Variants in PRDM5 observed in about 807,000 individuals in gnomAD.
The protein encoded by PRDM5 is PR domain zinc finger protein 5.
A neutral mutation model predicts 81.2 loss-of-function variants in PRDM5; 56 were observed. The observed-to-expected ratio is 0.69, with a 90% CI of 0.56 to 0.86. PRDM5 has a LOEUF of 0.86. Among genes scored for constraint, PRDM5 ranks in the 40% least tolerant of loss-of-function variants. The pLI is 0.00. For missense variants in PRDM5, 697 were observed against 770.1 expected, an observed-to-expected ratio of 0.91 and a Z score of 1.12; for synonymous variants, 267 against 256.4, an observed-to-expected ratio of 1.04 and a Z score of -0.39.
chr4:120,724,083 C>T (rs1164746607), intron 14 of PRDM5, among the ~76,000 whole-genome samples: 2 of 151,768 alleles, frequency 1.3e-5, no homozygotes, highest in Non-Finnish European at 2.9e-5. Context: ...AGGTCTTTTC[C>T]TATATTTGAA....
chr4:120,857,630 T>C (rs964004751), intron 2 of PRDM5, among the ~76,000 whole-genome samples: 10 of 152,164 alleles, frequency 6.6e-5, no homozygotes, highest in Admixed American at 6.5e-5. Context: ...GAATATGTCA[T>C]AGTTGATTTT....
chr4:120,821,092 CTA>C, intron 4 of PRDM5, 77 bp downstream of exon 4: 1 of 1,486,542 alleles, frequency 6.7e-7, no homozygotes, highest in Admixed American at 1.7e-5. Flanking sequence ...TACAAGGCAA[CTA>C]TAATTCAACC....
chr4:120,921,195 A>C (rs971426016), intron 1 of PRDM5, among the ~76,000 whole-genome samples: 3 of 152,224 alleles, frequency 2.0e-5, no homozygotes, highest in African/African-American at 7.2e-5. Flanking sequence ...CACATCTTTT[A>C]AGAATGAATT....
intron 2 of PRDM5, among the ~76,000 whole-genome samples, chr4:120,876,502 T>A (rs1762344342): frequency 6.6e-6 from 1 of 152,230 alleles, no homozygotes; most frequent in Admixed American, 6.5e-5. Flanking sequence ...TTTTATTGTT[T>A]GATTTGGCAT....
chr4:120,785,112 G>A (rs1231416638), intron 10 of PRDM5, 21 bp from the exon 11 acceptor site: 9 of 1,540,382 alleles, frequency 5.8e-6, no homozygotes, highest in South Asian at 1.1e-5. Flanking sequence ...AAAACACTGA[G>A]TCAGGAGGAT....
At chr4:120,717,642 C>T (rs1239141151) in intron 14 of PRDM5, among the ~76,000 whole-genome samples, 1 of 152,128 alleles carries the variant, frequency 6.6e-6, no homozygotes, top group African/African-American at 2.4e-5. Flanking sequence ...TTTAGTTGAG[C>T]TAAGAATTCC....
chr4:120,773,992 G>A (rs1400869637), intron 13 of PRDM5, among the ~76,000 whole-genome samples: 2 of 152,100 alleles, frequency 1.3e-5, no homozygotes, highest in African/African-American at 4.8e-5. Flanking sequence ...GGGTAATATT[G>A]TTACTTTTAG....
At chr4:120,858,679 G>A (rs1760194933) in intron 2 of PRDM5, among the ~76,000 whole-genome samples, 1 of 151,978 alleles carries the variant, frequency 6.6e-6, no homozygotes, top group Admixed American at 6.6e-5. Flanking sequence ...ATTGCTATCT[G>A]GTAATCCTAA....
intron 2 of PRDM5, among the ~76,000 whole-genome samples, chr4:120,868,279 GT>G (rs975507847): frequency 4.6e-5 from 7 of 152,082 alleles, no homozygotes; most frequent in African/African-American, 1.7e-4. Flanking sequence ...TATATACTGT[GT>G]TTATATAACA....
At chr4:120,814,630 CTCTT>C (rs1754254599) in intron 7 of PRDM5, among the ~76,000 whole-genome samples, 1 of 151,558 alleles carries the variant, frequency 6.6e-6, no homozygotes, top group African/African-American at 2.4e-5. Flanking sequence ...CATCAAAGAT[CTCTT>C]TCTTTGAGTG....
rs182484777 is a variant in PRDM5, at chr4:120,742,175, A to G, written c.1623+12378T>C. ...CACCCTCCAGCAGGGGCACACTAAC[A>G]CCTCACACTGCAGGGTACTCCAACA... On this transcript the variant is annotated intron_variant, in intron 14 of 15. Coordinates refer to ENST00000264808, the MANE Select transcript of PRDM5 (RefSeq NM_018699.4). 6.2e-3 allele frequency among the ~76,000 whole-genome samples: 947 copies of G among 152,134 alleles called. 3 individuals carry two copies. Among genetic ancestry groups the G allele is most frequent in the Non-Finnish European group, 0.011 (746 of 67,994 alleles).
At chr4:120,750,906 A>G (rs931715866) in intron 14 of PRDM5, among the ~76,000 whole-genome samples, 1 of 152,198 alleles carries the variant, frequency 6.6e-6, no homozygotes, top group African/African-American at 2.4e-5. Context: ...GAATCTAGTG[A>G]AAAAGGTGGG....
At chr4:120,720,846 T>C (rs918356499) in intron 14 of PRDM5, among the ~76,000 whole-genome samples, 1 of 152,246 alleles carries the variant, frequency 6.6e-6, no homozygotes, top group Non-Finnish European at 1.5e-5. Context: ...ACATCCATAA[T>C]TGGTTTTGCA....
At position 120,769,795 on chromosome 4, in the gene PRDM5, C is replaced by G. The variant is rs188448336; in HGVS notation, c.1537+7393G>C. Among the ~76,000 whole-genome samples the G allele has an allele frequency of 3.5e-3, 536 of 152,236 alleles. 1 individual carries two copies. Among genetic ancestry groups the G allele is most frequent in the Middle Eastern group, 0.02 (6 of 294 alleles). On this transcript the variant is annotated intron_variant, in intron 13 of 15. Coordinates refer to ENST00000264808, the MANE Select transcript of PRDM5 (RefSeq NM_018699.4). ...TCAGCTTCTTCAGAAGACTGCTTCT[C>G]TAAGCAGTATAACTGAAAGAAAACA...
intron 4 of PRDM5, 117 bp downstream of exon 4, chr4:120,821,054 A>G: frequency 8.0e-7 from 1 of 1,243,938 alleles, no homozygotes; most frequent in Non-Finnish European, 1.2e-6. Flanking sequence ...ATTTTGACAA[A>G]AACTAACTTT....
At chr4:120,724,285 T>G (rs1739079856) in intron 14 of PRDM5, among the ~76,000 whole-genome samples, 1 of 152,142 alleles carries the variant, frequency 6.6e-6, no homozygotes, top group Non-Finnish European at 1.5e-5. Flanking sequence ...AGGTTTAAAA[T>G]GGGGTCCTTA....
chr4:120,922,065 A>T (rs1220347704), intron 1 of PRDM5, among the ~76,000 whole-genome samples: 1 of 152,208 alleles, frequency 6.6e-6, no homozygotes, highest in Non-Finnish European at 1.5e-5. Context: ...TTCTAGCCAC[A>T]TTAATTCATC....
chr4:120,893,874 A>G (rs189038257), intron 2 of PRDM5, among the ~76,000 whole-genome samples: 7 of 152,256 alleles, frequency 4.6e-5, no homozygotes, highest in African/African-American at 1.7e-4. Flanking sequence ...TCTTTGCATA[A>G]TATATTTGTT....
In PRDM5 at chr4:120,816,883, G is replaced by A. The variant is rs750031024; in HGVS notation, c.692C>T (p.Ser231Leu). The A allele has an allele frequency of 1.5e-5, 24 of 1,613,724 alleles. No homozygotes were observed. The highest frequency in any genetic ancestry group is 8.0e-5 in the African/African-American group (6 of 74,892). ...GCAAACAGAGCACTGAAAACTTCGC[G>A]AAGACTCCTTTAGACTGCTTTTCGC... ...CTAKSSLKES[S>L]RSFQCSVCNS... Residue 231 changes from serine (S) to leucine (L), a missense_variant, in exon 6 of 16, where the codon TCG (serine) becomes TTG (leucine). Physicochemically the swap from Ser to Leu is moderately radical, Grantham distance 145. Around this residue, in one of 3 missense-constraint regions of PRDM5, gnomAD observed 577 missense variants for 606.7 expected, o/e 0.95. Coordinates refer to ENST00000264808, the MANE Select transcript of PRDM5 (RefSeq NM_018699.4).
Sources: allele counts gnomAD v4.1 joint callset (sites outside exome capture counted in the v4.1 genomes callset), GRCh38; gene constraint gnomAD v4.1.1; regional missense constraint gnomAD v4.1.1; transcripts MANE v1.5; gene names NCBI Gene and HGNC (gene_info 2026-07-23, HGNC 2026-07-21).